CTNNA1: variants seen among roughly 807,000 people sequenced by gnomAD.
The protein encoded by CTNNA1 is catenin alpha-1.
In CTNNA1, 37 loss-of-function variants were observed where a neutral mutation model predicts 98.4. The observed-to-expected ratio is 0.38, with a 90% confidence interval of 0.29 to 0.49. The LOEUF is 0.49. CTNNA1 is among the 20% of genes least tolerant of loss of function. The probability of loss-of-function intolerance (pLI) is 0.95; values close to 1 mark genes in which losing one functional copy is unlikely to be tolerated. For synonymous variants in CTNNA1, 404 were observed against 413.2 expected, an observed-to-expected ratio of 0.98 and a Z score of 0.27; for missense variants, 761 against 1,147.2, an observed-to-expected ratio of 0.66 and a Z score of 4.86.
At chr5:138,770,301 A>G (rs973128781) in intron 1 of CTNNA1, among the ~76,000 whole-genome samples, 1 of 152,184 alleles carries the variant, frequency 6.6e-6, no homozygotes, top group Non-Finnish European at 1.5e-5. Context: ...TCTCATGGAA[A>G]CAGGGACTTC....
intron 7 of CTNNA1, among the ~76,000 whole-genome samples, chr5:138,844,375 A>AGT (rs1762527818): frequency 6.6e-6 from 1 of 152,186 alleles, no homozygotes; most frequent in Non-Finnish European, 1.5e-5. Context: ...TATATAATTT[A>AGT]GTAGTGATGT....
intron 5 of CTNNA1, among the ~76,000 whole-genome samples, chr5:138,818,154 G>A (rs1219888424): frequency 6.9e-6 from 1 of 144,316 alleles, no homozygotes; most frequent in African/African-American, 2.6e-5. Context: ...TTTTCAGACA[G>A]GGTCTTGCTC....
At chr5:138,883,639 G>A (rs1753421097) in intron 7 of CTNNA1, among the ~76,000 whole-genome samples, 1 of 152,148 alleles carries the variant, frequency 6.6e-6, no homozygotes, top group South Asian at 2.1e-4. Context: ...GTAGGGGATT[G>A]GGCTTTCATG....
intron 10 of CTNNA1, among the ~76,000 whole-genome samples, chr5:138,905,093 CAAAAAA>C (rs781709207): frequency 1.7e-5 from 1 of 58,252 alleles, no homozygotes; most frequent in Non-Finnish European, 3.7e-5. Context: ...GACTCCGTCT[CAAAAAA>C]AAAAAAAAAA....
intron 13 of CTNNA1, among the ~76,000 whole-genome samples, chr5:138,928,039 G>A (rs895992590): frequency 1.3e-5 from 2 of 152,122 alleles, no homozygotes; most frequent in Non-Finnish European, 2.9e-5. Flanking sequence ...TGCACAGCAC[G>A]TTCTTGGTGG....
At chr5:138,791,458 A>G (rs1388627583) in intron 3 of CTNNA1, among the ~76,000 whole-genome samples, 1 of 151,850 alleles carries the variant, frequency 6.6e-6, no homozygotes, top group Non-Finnish European at 1.5e-5. Flanking sequence ...CTCTACTAAA[A>G]TACAAAAAAT....
intron 7 of CTNNA1, chr5:138,828,337 C>G (rs1313902295): frequency 6.6e-6 from 1 of 151,802 alleles, no homozygotes; most frequent in African/African-American, 2.4e-5. Flanking sequence ...AAGGTTTGTG[C>G]ATAAAAACCC....
intron 5 of CTNNA1, among the ~76,000 whole-genome samples, chr5:138,815,251 A>T (rs1759315359): frequency 6.6e-6 from 1 of 152,148 alleles, no homozygotes. Flanking sequence ...GCAAATGCCA[A>T]AGTTTTCTGA....
chr5:138,872,065 T>TGTGTGC (rs1561618451), intron 7 of CTNNA1: 3 of 73,708 alleles, frequency 4.1e-5, no homozygotes, highest in Non-Finnish European at 9.1e-5. Context: ...TGTGTGTGTG[T>TGTGTGC]GTGCGCTTTT....
intron 3 of CTNNA1, among the ~76,000 whole-genome samples, chr5:138,809,466 T>A (rs191398945): frequency 5.3e-5 from 8 of 152,352 alleles, no homozygotes; most frequent in African/African-American, 1.9e-4. Context: ...TACCATAATT[T>A]ACTTAACTAG....
chr5:138,792,424 TCTA>T (rs1447434341), intron 3 of CTNNA1, among the ~76,000 whole-genome samples: 6 of 152,196 alleles, frequency 3.9e-5, no homozygotes, highest in Non-Finnish European at 8.8e-5. Flanking sequence ...TGTACCCACA[TCTA>T]CTATAGGCAG....
At chr5:138,868,470 G>A (rs2149908183) in intron 7 of CTNNA1, among the ~76,000 whole-genome samples, 2 of 152,252 alleles carry the variant, frequency 1.3e-5, no homozygotes, top group East Asian at 3.9e-4. Flanking sequence ...AGGTGCTGCT[G>A]GGATGGACAT....
intron 9 of CTNNA1, among the ~76,000 whole-genome samples, chr5:138,888,618 G>C (rs909456045): frequency 6.6e-6 from 1 of 152,184 alleles, no homozygotes; most frequent in Non-Finnish European, 1.5e-5. Context: ...GACAATCTCA[G>C]CTGACTGCAA....
chr5:138,778,658 C>T (rs1441069384), intron 1 of CTNNA1, among the ~76,000 whole-genome samples: 1 of 152,252 alleles, frequency 6.6e-6, no homozygotes, highest in East Asian at 1.9e-4. Flanking sequence ...TTGCCTGAGG[C>T]AATTAATATT....
intron 1 of CTNNA1, among the ~76,000 whole-genome samples, chr5:138,780,818 T>A (rs1755006006): frequency 6.6e-6 from 1 of 152,202 alleles, no homozygotes; most frequent in Non-Finnish European, 1.5e-5. Context: ...GCCCAGCCTT[T>A]AAGCTTTTAA....
intron 6 of CTNNA1, 89 bp from the exon 7 acceptor site, chr5:138,827,426 A>G (rs771840725): frequency 9.6e-5 from 138 of 1,439,640 alleles, no homozygotes; most frequent in Non-Finnish European, 1.2e-4. Context: ...TTTGTGTTAA[A>G]TCTTGATATT....
In CTNNA1 at chr5:138,848,943, C is replaced by T. The variant is rs1275555654; in HGVS notation, c.1062+21225C>T. Among the ~76,000 whole-genome samples the T allele has an allele frequency of 2.6e-5, 4 of 152,108 alleles. No individual in the cohort carries two copies. The South Asian group carries it at 6.2e-4, about 24-fold the overall frequency. ...TTCACCATGTTGGTCAGACTGGTCT[C>T]GAACTCCTGACCTCATGATATGCCT... On this transcript the variant is annotated intron_variant, in intron 7 of 17. Transcript: ENST00000302763.
Position 138,809,921 on chromosome 5 carries a change from T to A in CTNNA1, c.302-117T>A, listed in dbSNP as rs1028503601. The A allele has an allele frequency of 5.2e-6, 7 of 1,336,212 alleles. No individual in the cohort carries two copies. In the Admixed American group the frequency reaches 1.9e-4, roughly 36 times the overall value. The allele number at this position is 1,336,212 out of a possible 1,614,324, so 82.8% of individuals were successfully genotyped here. ...CAAACAACAACAAAAATGAAAACTC[T>A]TAAACTAAATTTGTGCATGAAATAT... On this transcript the variant is annotated intron_variant, in intron 3 of 17. Transcript: ENST00000302763.
chr5:138,773,546 C>T (rs1417514316), intron 1 of CTNNA1, among the ~76,000 whole-genome samples: 1 of 152,156 alleles, frequency 6.6e-6, no homozygotes, highest in Non-Finnish European at 1.5e-5. Flanking sequence ...AGGTGCTATA[C>T]AGGGCAGTCT....
Sources: allele counts gnomAD v4.1 joint callset (sites outside exome capture counted in the v4.1 genomes callset), GRCh38; gene constraint gnomAD v4.1.1; transcripts MANE v1.5; gene names NCBI Gene and HGNC (gene_info 2026-07-23, HGNC 2026-07-21).